DENND5B: variants seen among roughly 807,000 people sequenced by gnomAD.
DENND5B encodes the protein DENN domain containing 5B.
In DENND5B, 34 loss-of-function variants were observed where a neutral mutation model predicts 140.6. The observed-to-expected ratio is 0.24, with a 90% CI of 0.18 to 0.32. DENND5B has a LOEUF of 0.32. DENND5B is among the 10% of genes least tolerant of loss of function. DENND5B has a pLI of 1.00. For missense variants in DENND5B, 1,142 were observed against 1,560.2 expected (o/e 0.73, Z 4.52); for synonymous variants, 551 against 562.1 (o/e 0.98, Z 0.28).
intron 1 of DENND5B, among the ~76,000 whole-genome samples, chr12:31,496,620 T>G (rs1278189926): frequency 6.6e-6 from 1 of 152,122 alleles, no homozygotes; most frequent in East Asian, 1.9e-4. Context: ...TCCCAGAACT[T>G]TGGGAGGCTG....
chr12:31,511,111 A>C (rs1259435), intron 1 of DENND5B, among the ~76,000 whole-genome samples: 124,453 of 152,074 alleles, frequency 0.82, 51,270 homozygotes, highest in African/African-American at 0.9. Context: ...TGGTGGCATG[A>C]GCCTGTAGTC....
chr12:31,403,658 G>A (rs533348638), intron 14 of DENND5B, among the ~76,000 whole-genome samples: 16 of 150,626 alleles, frequency 1.1e-4, no homozygotes, highest in Admixed American at 3.3e-4. Flanking sequence ...AGCACTTTGG[G>A]AGGCCGAGGT....
At position 31,591,039 on chromosome 12, in the gene DENND5B, C is replaced by G. The variant is rs1354781147; in HGVS notation, c.-207G>C. ...GCCGCGGGCTCGCGCGCGGCGGGTCCGGAGCCCGGCCGGGTGGGGGAGGGG... is the reference window on the plus strand; with the variant it reads ...GCCGCGGGCTCGCGCGCGGCGGGTCGGGAGCCCGGCCGGGTGGGGGAGGGG... On this transcript the variant is annotated 5_prime_UTR_variant, in exon 1 of 21. Coordinates refer to ENST00000389082, the MANE Select transcript of DENND5B (RefSeq NM_144973.4). 1 of 338,258 alleles carries G rather than the reference C, an allele frequency of 3.0e-6. No homozygotes were observed. The highest frequency in any genetic ancestry group is 2.3e-5 in the African/African-American group (1 of 44,354). 21.0% of individuals were successfully genotyped at this position (338,258 alleles called of 1,614,324 possible).
intron 5 of DENND5B, among the ~76,000 whole-genome samples, chr12:31,450,429 G>C (rs1382424538): frequency 6.6e-6 from 1 of 152,008 alleles, no homozygotes; most frequent in African/African-American, 2.4e-5. Flanking sequence ...GCATCATCTT[G>C]GCTCACTGCA....
In DENND5B at chr12:31,389,947, A is replaced by G. The variant is rs144813671; in HGVS notation, c.3467-449T>C. On this transcript the variant is annotated intron_variant, in intron 19 of 20. Coordinates refer to ENST00000389082, the MANE Select transcript of DENND5B (RefSeq NM_144973.4). ...GAATAAGTACCTGACAAAGAGAGAT[A>G]TATGTATATACACATGAGAAGCAGA... 2.8e-4 allele frequency among the ~76,000 whole-genome samples: 43 copies of G among 152,240 alleles called. No individual in the cohort carries two copies. In the East Asian group the frequency reaches 6.4e-3, roughly 23 times the overall value.
intron 11 of DENND5B, among the ~76,000 whole-genome samples, chr12:31,423,001 C>T (rs1305193705): frequency 1.3e-5 from 2 of 148,810 alleles, no homozygotes; most frequent in African/African-American, 2.5e-5. Context: ...AGTGCAGTGG[C>T]GCCTTCTCGG....
At chr12:31,521,058 T>C (rs1229223372) in intron 1 of DENND5B, among the ~76,000 whole-genome samples, 1 of 152,076 alleles carries the variant, frequency 6.6e-6, no homozygotes, top group Non-Finnish European at 1.5e-5. Context: ...TGTGGCTAAG[T>C]GGCTCCCATA....
chr12:31,567,650 ACTC>A (rs1949677054), intron 1 of DENND5B, among the ~76,000 whole-genome samples: 2 of 150,718 alleles, frequency 1.3e-5, no homozygotes, highest in Admixed American at 1.3e-4. Context: ...TGAGCAAGCC[ACTC>A]CTTTGTTCAA....
intron 1 of DENND5B, among the ~76,000 whole-genome samples, chr12:31,562,949 T>C (rs1656007836): frequency 6.6e-6 from 1 of 151,700 alleles, no homozygotes; most frequent in African/African-American, 2.4e-5. Flanking sequence ...TTTAACAAAT[T>C]CTAAATACTT....
chr12:31,524,544 T>G (rs1422084340), intron 1 of DENND5B, among the ~76,000 whole-genome samples: 1 of 152,042 alleles, frequency 6.6e-6, no homozygotes, highest in East Asian at 1.9e-4. Flanking sequence ...TCCCAGCTAC[T>G]TGGGAGGCTG....
At chr12:31,523,737 A>T (rs1348392786) in intron 1 of DENND5B, among the ~76,000 whole-genome samples, 1 of 152,216 alleles carries the variant, frequency 6.6e-6, no homozygotes, top group Non-Finnish European at 1.5e-5. Flanking sequence ...GTATATGACA[A>T]GAAAGATAAC....
At position 31,400,145 on chromosome 12, in the gene DENND5B, G is replaced by T. The variant is rs541702372; in HGVS notation, c.2950-373C>A. Among the ~76,000 whole-genome samples the T allele has an allele frequency of 1.1e-4, 16 of 152,270 alleles. No individual in the cohort carries two copies. In the South Asian group the frequency reaches 2.9e-3, roughly 28 times the overall value. On this transcript the variant is annotated intron_variant, in intron 15 of 20. Coordinates refer to ENST00000389082, the MANE Select transcript of DENND5B (RefSeq NM_144973.4). ...GAATAATTTCTAAAAACAGGAAAAAGATGCTATTTAGATTTTGTTACAAAG... is the reference window on the plus strand; with the variant it reads ...GAATAATTTCTAAAAACAGGAAAAATATGCTATTTAGATTTTGTTACAAAG...
At chr12:31,457,094 AT>A (rs1383509622) in intron 4 of DENND5B, among the ~76,000 whole-genome samples, 2 of 152,180 alleles carry the variant, frequency 1.3e-5, no homozygotes, top group Non-Finnish European at 2.9e-5. Flanking sequence ...AAAATAAATT[AT>A]TTCCTCAGAA....
At chr12:31,531,065 C>T (rs1948260904) in intron 1 of DENND5B, among the ~76,000 whole-genome samples, 1 of 152,176 alleles carries the variant, frequency 6.6e-6, no homozygotes, top group Non-Finnish European at 1.5e-5. Flanking sequence ...GCATGCTTTC[C>T]TGAATTAAAA....
intron 7 of DENND5B, among the ~76,000 whole-genome samples, chr12:31,436,556 T>TA (rs548817348): frequency 2.0e-3 from 310 of 151,736 alleles, no homozygotes; most frequent in African/African-American, 6.6e-3. Context: ...TTTTTGGAGA[T>TA]AGAGTTTTGC....
At chr12:31,457,693 C>T (rs1471999877) in intron 4 of DENND5B, among the ~76,000 whole-genome samples, 2 of 151,870 alleles carry the variant, frequency 1.3e-5, no homozygotes, top group South Asian at 2.1e-4. Context: ...ATAGTTTCTA[C>T]ACAGAAGCAC....
At chr12:31,575,821 CA>C (rs1158335052) in intron 1 of DENND5B, among the ~76,000 whole-genome samples, 14 of 152,002 alleles carry the variant, frequency 9.2e-5, no homozygotes, top group Non-Finnish European at 1.5e-5. Context: ...AGGCACATAG[CA>C]GGGCACGGTG....
At chr12:31,513,838 ATTT>A (rs35872313) in intron 1 of DENND5B, among the ~76,000 whole-genome samples, 1 of 145,316 alleles carries the variant, frequency 6.9e-6, no homozygotes, top group African/African-American at 2.5e-5. Flanking sequence ...CTCAGATAAC[ATTT>A]TTTTTTTTTT....
intron 7 of DENND5B, among the ~76,000 whole-genome samples, chr12:31,441,638 C>T (rs981825748): frequency 8.6e-5 from 13 of 152,006 alleles, no homozygotes; most frequent in Non-Finnish European, 1.6e-4. Flanking sequence ...TGTGCCACCA[C>T]ACCCAGCTCC....
Sources: gnomAD v4.1 joint callset for allele counts (sites outside exome capture counted in the v4.1 genomes callset) on GRCh38, gnomAD v4.1.1 for gene constraint, MANE v1.5 for transcripts, NCBI Gene and HGNC (gene_info 2026-07-23, HGNC 2026-07-21) for gene names.